The following CDH18 variants were observed in gnomAD, a reference collection of about 807,000 sequenced individuals.
CDH18 encodes the protein cadherin-18.
In CDH18, 31 loss-of-function variants were observed where a neutral mutation model predicts 67.9. That is an observed-to-expected ratio of 0.46 (90% CI 0.34 to 0.62). The LOEUF (loss-of-function observed/expected upper bound fraction) is 0.62, where lower values mean the gene tolerates loss of function less well. CDH18 is among the 20% of genes least tolerant of loss of function. The pLI is 0.01. For missense variants in CDH18, 890 were observed against 975.5 expected (o/e 0.91, Z 1.17); for synonymous variants, 362 against 347.2 (o/e 1.04, Z -0.48).
intron 1 of CDH18, among the ~76,000 whole-genome samples, chr5:20,328,472 TTTGTGTGTGTGTGTG>T (rs1738822280): frequency 2.6e-5 from 1 of 37,786 alleles, no homozygotes; most frequent in Admixed American, 3.4e-4. Flanking sequence ...GGAGAAGCCA[TTTGTGTGTGTGTGTG>T]TGTGTGTGTG....
At chr5:19,681,227 CAT>C (rs1292504599) in intron 5 of CDH18, among the ~76,000 whole-genome samples, 2 of 151,976 alleles carry the variant, frequency 1.3e-5, no homozygotes, top group East Asian at 3.9e-4. Flanking sequence ...CACACGAACA[CAT>C]GACTTAAGAG....
intron 7 of CDH18, among the ~76,000 whole-genome samples, chr5:19,590,398 T>C (rs974731161): frequency 6.6e-6 from 1 of 152,078 alleles, no homozygotes; most frequent in South Asian, 2.1e-4. Context: ...TAAATCAATA[T>C]AAAATTATAA....
chr5:20,162,613 A>C (rs1735978462), intron 2 of CDH18, among the ~76,000 whole-genome samples: 1 of 150,772 alleles, frequency 6.6e-6, no homozygotes, highest in African/African-American at 2.4e-5. Context: ...TTGATTGCTA[A>C]AGGGAAGCAT....
At chr5:20,215,668 T>G (rs1238087335) in intron 2 of CDH18, among the ~76,000 whole-genome samples, 1 of 151,940 alleles carries the variant, frequency 6.6e-6, no homozygotes, top group Non-Finnish European at 1.5e-5. Context: ...TAAAAGCACA[T>G]GCACATGTAT....
intron 2 of CDH18, among the ~76,000 whole-genome samples, chr5:20,096,677 T>C (rs1746018897): frequency 6.6e-6 from 1 of 152,144 alleles, no homozygotes; most frequent in African/African-American, 2.4e-5. Flanking sequence ...AAATTTTTAT[T>C]TCCACTTTAA....
At chr5:19,584,793 C>CAAAAAAAAA (rs61297842) in intron 7 of CDH18, among the ~76,000 whole-genome samples, 753 of 74,766 alleles carry the variant, frequency 0.01, no homozygotes, top group Non-Finnish European at 0.011. Flanking sequence ...ACTAAAAATA[C>CAAAAAAAAA]AAAAAAAAAA....
At chr5:19,610,038 T>A (rs1748689394) in intron 6 of CDH18, among the ~76,000 whole-genome samples, 1 of 152,098 alleles carries the variant, frequency 6.6e-6, no homozygotes, top group African/African-American at 2.4e-5. Context: ...GACACCAAAC[T>A]GTTGCAAAAG....
chr5:19,852,776 T>A (rs982775507), intron 2 of CDH18, among the ~76,000 whole-genome samples: 3 of 152,068 alleles, frequency 2.0e-5, no homozygotes, highest in African/African-American at 7.2e-5. Flanking sequence ...CAATAACTGA[T>A]TTTTAAAAGT....
intron 2 of CDH18, among the ~76,000 whole-genome samples, chr5:20,151,002 C>T (rs1025917782): frequency 6.6e-6 from 1 of 151,868 alleles, no homozygotes; most frequent in South Asian, 2.1e-4. Context: ...TTTAAGTCAA[C>T]AATTTCATTT....
intron 1 of CDH18, among the ~76,000 whole-genome samples, chr5:20,395,402 A>G (rs1745205554): frequency 6.6e-6 from 1 of 152,126 alleles, no homozygotes; most frequent in East Asian, 1.9e-4. Context: ...GGGTACTCAA[A>G]GGCCTGCAGA....
chr5:19,692,406 T>C (rs956779883), intron 5 of CDH18, among the ~76,000 whole-genome samples: 7 of 152,084 alleles, frequency 4.6e-5, no homozygotes, highest in Non-Finnish European at 1.5e-5. Context: ...CTAAAATGCT[T>C]CTGCTCAGCA....
intron 1 of CDH18, among the ~76,000 whole-genome samples, chr5:20,559,066 A>T (rs1219782384): frequency 6.6e-6 from 1 of 151,150 alleles, no homozygotes; most frequent in South Asian, 2.1e-4. Flanking sequence ...ATTCCTACAA[A>T]GGGCCCAAAT....
At chr5:19,780,258 T>C (rs751220419) in intron 3 of CDH18, among the ~76,000 whole-genome samples, 13 of 152,130 alleles carry the variant, frequency 8.5e-5, no homozygotes, top group Non-Finnish European at 8.8e-5. Flanking sequence ...TTACCTGCTG[T>C]ATTAGATCTT....
intron 1 of CDH18, among the ~76,000 whole-genome samples, chr5:20,275,074 A>C (rs569563766): frequency 6.6e-6 from 1 of 152,284 alleles, no homozygotes; most frequent in Admixed American, 6.5e-5. Flanking sequence ...AGAAAAGAAA[A>C]GCTAAAGATT....
intron 1 of CDH18, among the ~76,000 whole-genome samples, chr5:20,276,912 G>A (rs1205023488): frequency 1.3e-5 from 2 of 152,104 alleles, no homozygotes; most frequent in Non-Finnish European, 2.9e-5. Flanking sequence ...GGTAGTGACT[G>A]TGGGGAGAAA....
At chr5:19,729,205 G>A (rs1285654574) in intron 4 of CDH18, among the ~76,000 whole-genome samples, 1 of 23,158 alleles carries the variant, frequency 4.3e-5, no homozygotes, top group Non-Finnish European at 1.2e-4. Context: ...TTCCATAAAT[G>A]GAAAAAATAA....
intron 2 of CDH18, among the ~76,000 whole-genome samples, chr5:20,215,433 AAAATAAAT>A (rs556518313): frequency 4.8e-4 from 60 of 125,942 alleles, no homozygotes; most frequent in East Asian, 4.7e-4. Context: ...TTCCATCCAA[AAAATAAAT>A]AAATAAATAA....
At chr5:19,686,122 T>C (rs1176800171) in intron 5 of CDH18, among the ~76,000 whole-genome samples, 1 of 152,132 alleles carries the variant, frequency 6.6e-6, no homozygotes, top group Non-Finnish European at 1.5e-5. Context: ...GATATTATTG[T>C]TAGTTCTGAT....
intron 2 of CDH18, among the ~76,000 whole-genome samples, chr5:19,958,302 A>G (rs770496114): frequency 6.8e-6 from 1 of 146,208 alleles, no homozygotes; most frequent in Middle Eastern, 3.4e-3. Flanking sequence ...ATAAACTTGT[A>G]TTATATCCAG....
Sources: gnomAD v4.1 joint callset for allele counts (sites outside exome capture counted in the v4.1 genomes callset) on GRCh38, gnomAD v4.1.1 for gene constraint, MANE v1.5 for transcripts, NCBI Gene and HGNC (gene_info 2026-07-23, HGNC 2026-07-21) for gene names.